Variants in SLFN12L observed in about 807,000 individuals in gnomAD.
SLFN12L encodes schlafen family member 12-like.
A neutral mutation model predicts 34.8 loss-of-function variants in SLFN12L; 34 were observed. That is an observed-to-expected ratio of 0.98 (90% confidence interval 0.74 to 1.30). The LOEUF is 1.30. Among genes scored for constraint, SLFN12L ranks in the 50% most tolerant of loss-of-function variants. The pLI, the probability that SLFN12L is intolerant of heterozygous loss-of-function variation, is 0.00. For missense variants in SLFN12L, 703 were observed against 696.2 expected (o/e 1.01, Z -0.11); for synonymous variants, 259 against 247.5 (o/e 1.05, Z -0.44).
chr17:35,498,845 T>C, intron 2 of SLFN12L: 2 of 750,318 alleles, frequency 2.7e-6, no homozygotes, highest in Non-Finnish European at 4.6e-6. Flanking sequence ...AACAGCTGTA[T>C]GCAAGTGGCA....
intron 2 of SLFN12L, among the ~76,000 whole-genome samples, chr17:35,521,456 T>C (rs1279794836): frequency 6.6e-6 from 1 of 152,256 alleles, no homozygotes; most frequent in Admixed American, 6.5e-5. Flanking sequence ...TTAACTTAAA[T>C]TTTAAAAGCA....
At chr17:35,486,932 G>A (rs1315249542) in intron 2 of SLFN12L, among the ~76,000 whole-genome samples, 9 of 152,220 alleles carry the variant, frequency 5.9e-5, no homozygotes, top group African/African-American at 2.2e-4. Context: ...GTGATTTGCC[G>A]TCTTCGGATA....
chr17:35,481,296 T>C (rs1378073180), intron 2 of SLFN12L, among the ~76,000 whole-genome samples: 6 of 152,158 alleles, frequency 3.9e-5, no homozygotes, highest in Non-Finnish European at 8.8e-5. Context: ...CCACCACCTC[T>C]TGTGGAAGGC....
chr17:35,530,441 G>GAAGGAAAGA (rs1555545952), intron 1 of SLFN12L, among the ~76,000 whole-genome samples: 5 of 16,878 alleles, frequency 3.0e-4, no homozygotes, highest in Admixed American at 8.1e-4. Context: ...GAAGGGAAGG[G>GAAGGAAAGA]AAGAAAGAAA....
At chr17:35,532,765 T>C (rs946840944) in intron 1 of SLFN12L, among the ~76,000 whole-genome samples, 2 of 151,936 alleles carry the variant, frequency 1.3e-5, no homozygotes, top group African/African-American at 4.8e-5. Flanking sequence ...TGATGGCAGG[T>C]GCCTGTAATC....
In SLFN12L at chr17:35,522,303, CTT is replaced by C. The variant is rs545903522; in HGVS notation, c.60_61del (p.Gln22ValfsTer26). The C allele has an allele frequency of 2.9e-5, 47 of 1,614,148 alleles. No individual in the cohort carries two copies. In the Admixed American group the frequency reaches 5.8e-4, roughly 20 times the overall value. The stretch of plus-strand genomic sequence containing the variant: ...CCTGATGAAATTCCTCAGAAACTGA[CTT>C]TCACAAATGTAGAGAATTCTGTGTG... On this transcript the variant is annotated frameshift_variant, in exon 2 of 5. Transcript: ENST00000628453. LOFTEE classifies it high-confidence loss of function.
intron 2 of SLFN12L, chr17:35,514,800 T>C (rs1310110928): frequency 1.7e-5 from 7 of 402,012 alleles, no homozygotes; most frequent in Non-Finnish European, 2.9e-5. Context: ...GCGCCAGCAC[T>C]TACAAGTCTC....
intron 2 of SLFN12L, among the ~76,000 whole-genome samples, chr17:35,519,163 G>A (rs1412538964): frequency 2.0e-5 from 3 of 152,112 alleles, no homozygotes; most frequent in Non-Finnish European, 4.4e-5. Context: ...ACACAAAGGG[G>A]AACATCACAC....
intron 2 of SLFN12L, among the ~76,000 whole-genome samples, chr17:35,496,720 C>A (rs1915096996): frequency 6.6e-6 from 1 of 152,194 alleles, no homozygotes; most frequent in African/African-American, 2.4e-5. Context: ...GAGTGCAGCG[C>A]TCCTCTTTCC....
chr17:35,516,513 G>A (rs1019999441), intron 2 of SLFN12L, among the ~76,000 whole-genome samples: 1 of 152,226 alleles, frequency 6.6e-6, no homozygotes, highest in Admixed American at 6.5e-5. Flanking sequence ...ATTGTTTGTT[G>A]TGGGGGGCTA....
chr17:35,531,791 A>C (rs2072413744), intron 1 of SLFN12L, among the ~76,000 whole-genome samples: 1 of 151,270 alleles, frequency 6.6e-6, no homozygotes, highest in Non-Finnish European at 1.5e-5. Context: ...TAACTTTTTA[A>C]ATTTTTTTTA....
In SLFN12L at chr17:35,471,837, C is replaced by T. The variant is rs997138970; in HGVS notation, c.*3086G>A. 4.0e-5 allele frequency among the ~76,000 whole-genome samples: 6 copies of T among 151,700 alleles called. No individual in the cohort carries two copies. The highest frequency in any genetic ancestry group is 4.2e-4 in the South Asian group (2 of 4,808). ...AAGTGATGTTGAGTTTTTTTTCATA[C>T]GTTTGTTGGCTGTATAAATGTCTTC... On this transcript the variant is annotated 3_prime_UTR_variant, in exon 5 of 5. Transcript: ENST00000628453.
At chr17:35,496,079 C>T (rs117307642) in intron 2 of SLFN12L, among the ~76,000 whole-genome samples, 8,482 of 152,056 alleles carry the variant, frequency 0.056, 325 homozygotes, top group Non-Finnish European at 0.089. Flanking sequence ...ACCCCCGGAA[C>T]GGCTGTCACA....
chr17:35,492,098 T>C (rs1914860522), intron 2 of SLFN12L, among the ~76,000 whole-genome samples: 1 of 152,224 alleles, frequency 6.6e-6, no homozygotes, highest in Admixed American at 6.5e-5. Context: ...CCCATCACCA[T>C]TTCAATTTAA....
At chr17:35,536,329 G>T (rs2072461029) in intron 1 of SLFN12L, among the ~76,000 whole-genome samples, 1 of 152,162 alleles carries the variant, frequency 6.6e-6, no homozygotes, top group Non-Finnish European at 1.5e-5. Flanking sequence ...AAAGTCACAT[G>T]TAAAAACACA....
rs1913805266 is a variant in SLFN12L at position 35,471,336 on chromosome 17, C to T, written c.*3587G>A. ...ATTTTTAGTAGAAATGGGGTTTCAC[C>T]ATGTTGGCCAGGCTGGTCTCAAACT... On this transcript the variant is annotated 3_prime_UTR_variant, in exon 5 of 5. Coordinates refer to ENST00000628453, the MANE Select transcript of SLFN12L (RefSeq NM_001363830.2). 6.6e-6 allele frequency among the ~76,000 whole-genome samples: 1 copy of T among 152,100 alleles called. No homozygotes were observed. The highest frequency in any genetic ancestry group is 1.5e-5 in the Non-Finnish European group (1 of 68,018).
At position 35,468,992 on chromosome 17, in the gene SLFN12L, G is replaced by A. The variant is rs545453755; in HGVS notation, c.*5931C>T. ...GACCACACCACTGCACTCCAGCCTC[G>A]GTGACAAGGGCAAGACCCTGTGTCT... On this transcript the variant is annotated 3_prime_UTR_variant, in exon 5 of 5. Transcript: ENST00000628453. 3.7e-4 allele frequency among the ~76,000 whole-genome samples: 57 copies of A among 152,126 alleles called. No homozygotes were observed. The highest frequency in any genetic ancestry group is 9.7e-4 in the East Asian group (5 of 5,180).
intron 2 of SLFN12L, among the ~76,000 whole-genome samples, chr17:35,492,180 G>A (rs948803143): frequency 2.0e-5 from 3 of 152,164 alleles, no homozygotes; most frequent in African/African-American, 7.2e-5. Context: ...ACTGATCAGA[G>A]CATCTAAACC....
chr17:35,530,519 AAAG>A lies in SLFN12L; in HGVS notation c.-606+7051_-606+7053del, dbSNP rs1187940265. 1.0e-3 allele frequency among the ~76,000 whole-genome samples: 37 copies of A among 35,826 alleles called. 3 individuals carry two copies. Among genetic ancestry groups the A allele is most frequent in the Admixed American group, 4.4e-3 (20 of 4,536 alleles). 23.5% of individuals were successfully genotyped at this position (35,826 alleles called of 152,430 possible). A position where few individuals can be genotyped will look rare whatever the true frequency, so the allele number is the denominator to read the frequency against. ...AAGAAAGAAAGAAAGAAAGAAAAGA[AAAG>A]AAAAGAAAAGAAAAGAAAAGAAAGA... On this transcript the variant is annotated intron_variant, in intron 1 of 4. Coordinates refer to ENST00000628453, the MANE Select transcript of SLFN12L (RefSeq NM_001363830.2).
Sources: gnomAD v4.1 joint callset for allele counts (sites outside exome capture counted in the v4.1 genomes callset) on GRCh38, gnomAD v4.1.1 for gene constraint, MANE v1.5 for transcripts, NCBI Gene and HGNC (gene_info 2026-07-23, HGNC 2026-07-21) for gene names.